MAP3K19: variants seen among roughly 807,000 people sequenced by gnomAD.
MAP3K19 encodes the protein SPS1/STE20-related protein kinase YSK4.
Under a neutral mutation model 114.4 loss-of-function variants are expected in MAP3K19, and 91 were observed. That is an observed-to-expected ratio of 0.80 (90% CI 0.67 to 0.95). The LOEUF (loss-of-function observed/expected upper bound fraction) is 0.95. Among genes scored for constraint, MAP3K19 ranks in the 40% least tolerant of loss-of-function variants. The pLI, the probability that MAP3K19 is intolerant of heterozygous loss-of-function variation, is 0.00. For synonymous variants in MAP3K19, 518 were observed against 530.5 expected (o/e 0.98, Z 0.32); for missense variants, 1,471 against 1,573.2 (o/e 0.94, Z 1.10).
At chr2:135,044,346 T>C (rs1456349072) in intron 1 of MAP3K19, among the ~76,000 whole-genome samples, 1 of 152,132 alleles carries the variant, frequency 6.6e-6, no homozygotes, top group Admixed American at 6.5e-5. Flanking sequence ...ATCCCAGCAC[T>C]TTGGGAGGCC....
chr2:135,007,574 T>TCTAG (rs1271594068), intron 5 of MAP3K19, among the ~76,000 whole-genome samples: 1 of 152,148 alleles, frequency 6.6e-6, no homozygotes, highest in African/African-American at 2.4e-5. Flanking sequence ...ATTCATTCTT[T>TCTAG]CTAGCTATTT....
intron 5 of MAP3K19, among the ~76,000 whole-genome samples, chr2:135,008,537 AC>A (rs1686996763): frequency 6.6e-6 from 1 of 152,078 alleles, no homozygotes; most frequent in Non-Finnish European, 1.5e-5. Flanking sequence ...TGCAACTAAT[AC>A]CCCAATTTTG....
intron 1 of MAP3K19, among the ~76,000 whole-genome samples, chr2:135,044,554 C>T (rs1574062321): frequency 1.3e-5 from 2 of 152,200 alleles, no homozygotes; most frequent in East Asian, 3.8e-4. Flanking sequence ...TGCACCATTG[C>T]ACTCCAGCCT....
At chr2:134,992,601 C>A (rs919824489) in intron 8 of MAP3K19, among the ~76,000 whole-genome samples, 1 of 152,162 alleles carries the variant, frequency 6.6e-6, no homozygotes, top group Non-Finnish European at 1.5e-5. Flanking sequence ...TTACCCAGCT[C>A]GCAGTGATGT....
At chr2:135,042,389 C>T (rs2104800659) in intron 1 of MAP3K19, among the ~76,000 whole-genome samples, 1 of 151,746 alleles carries the variant, frequency 6.6e-6, no homozygotes, top group South Asian at 2.1e-4. Context: ...GTAGTCCCAG[C>T]TACTCTGGAG....
chr2:134,968,510 G>C lies in MAP3K19; in HGVS notation c.3921-3594C>G, dbSNP rs62168902. 4.0e-5 allele frequency among the ~76,000 whole-genome samples: 6 copies of C among 148,842 alleles called. No individual in the cohort carries two copies. In the East Asian group the frequency reaches 8.0e-4, roughly 20 times the overall value. ...GGGGCTGACCCCCCACCTCCCTCCC[G>C]GACGGGGTGGCTGCCGGGCGGAGAC... On this transcript the variant is annotated intron_variant, in intron 12 of 12. Transcript: ENST00000392915.
intron 5 of MAP3K19, among the ~76,000 whole-genome samples, chr2:135,017,811 T>G (rs1574030551): frequency 6.6e-6 from 1 of 152,342 alleles, no homozygotes; most frequent in African/African-American, 2.4e-5. Flanking sequence ...TCTGACATTT[T>G]ATATTGTGAC....
At chr2:134,968,492 A>G (rs1463995829) in intron 12 of MAP3K19, among the ~76,000 whole-genome samples, 3 of 123,448 alleles carry the variant, frequency 2.4e-5, no homozygotes, top group African/African-American at 1.0e-4. Flanking sequence ...CGGGGGGCTG[A>G]CCCCCCACCT....
chr2:135,008,849 G>A lies in MAP3K19; in HGVS notation c.139-3318C>T, dbSNP rs542093810. Among the ~76,000 whole-genome samples the A allele has an allele frequency of 3.9e-5, 6 of 152,152 alleles. No individual in the cohort carries two copies. In the East Asian group the frequency reaches 9.7e-4, roughly 25 times the overall value. ...GCTGGAATGCAGTGGCACTATCATG[G>A]CTCACTGCAGCCTTGAACTCCTGGG... On this transcript the variant is annotated intron_variant, in intron 5 of 12. Coordinates refer to ENST00000392915, the MANE Select transcript of MAP3K19 (RefSeq NM_025052.5).
chr2:135,016,446 C>T (rs1429824562), intron 5 of MAP3K19, among the ~76,000 whole-genome samples: 2 of 152,140 alleles, frequency 1.3e-5, no homozygotes. Flanking sequence ...TAGTGTAAAT[C>T]TTCCTACTTT....
At chr2:135,036,089 C>G (rs1413183563) in intron 2 of MAP3K19, among the ~76,000 whole-genome samples, 1 of 152,166 alleles carries the variant, frequency 6.6e-6, no homozygotes, top group Non-Finnish European at 1.5e-5. Context: ...CCGCCTCAGC[C>G]TCCCAAAGTG....
intron 2 of MAP3K19, among the ~76,000 whole-genome samples, chr2:135,038,657 G>A (rs991655390): frequency 2.6e-5 from 4 of 151,940 alleles, no homozygotes; most frequent in African/African-American, 9.7e-5. Flanking sequence ...AGGAGCTTGG[G>A]ACCAGCCTGG....
intron 8 of MAP3K19, among the ~76,000 whole-genome samples, chr2:134,996,964 G>A (rs866300631): frequency 4.6e-5 from 7 of 151,920 alleles, no homozygotes; most frequent in South Asian, 2.1e-4. Context: ...TGGGAGGATC[G>A]CTTGAGCCCA....
chr2:135,008,678 T>G (rs983064719), intron 5 of MAP3K19, among the ~76,000 whole-genome samples: 2 of 152,224 alleles, frequency 1.3e-5, no homozygotes, highest in Admixed American at 6.5e-5. Context: ...CAGCAGTGCA[T>G]GAATGTGCTA....
chr2:135,034,696 G>A (rs1275874801), intron 2 of MAP3K19, among the ~76,000 whole-genome samples: 2 of 143,392 alleles, frequency 1.4e-5, no homozygotes, highest in Non-Finnish European at 3.0e-5. Context: ...GCACTCGGCA[G>A]GCTGAGGCAG....
rs543647216 is a variant in MAP3K19 at position 134,972,943 on chromosome 2, A to G, written c.3920+7878T>C. Among the ~76,000 whole-genome samples the G allele has an allele frequency of 3.9e-5, 6 of 152,294 alleles. No homozygotes were observed. The South Asian group carries it at 1.2e-3, about 32-fold the overall frequency. On this transcript the variant is annotated intron_variant, in intron 12 of 12. Coordinates refer to ENST00000392915, the MANE Select transcript of MAP3K19 (RefSeq NM_025052.5). ...GTTTCCATGTATTTATACAGTTTCC[A>G]AAGTTCCTCTTGTTATTGATTTCTA...
chr2:134,986,883 A>G lies in MAP3K19; in HGVS notation c.1989T>C (p.Tyr663=). Residue 663 remains tyrosine, a synonymous_variant, in exon 10 of 13, where the codon TAT becomes TAC. Transcript: ENST00000392915. The part of the protein sequence containing the change: ...INSTANGPGI[Y]EMFGTPVYCH... ...AATAAACAGGGGTCCCAAACATTTC[A>G]TAGATTCCAGGTCCATTAGCAGTTG... The G allele has an allele frequency of 1.9e-6, 3 of 1,614,202 alleles. No individual in the cohort carries two copies. Among genetic ancestry groups the G allele is most frequent in the Non-Finnish European group, 2.5e-6 (3 of 1,180,036 alleles).
In MAP3K19 at chr2:135,033,799, G is replaced by A. The variant is rs1296632340; in HGVS notation, c.-283-3299C>T. On this transcript the variant is annotated intron_variant, in intron 2 of 12. Coordinates refer to ENST00000392915, the MANE Select transcript of MAP3K19 (RefSeq NM_025052.5). ...CGGGCAGAGGCGCCCCTCACCTCCC[G>A]GACGGGGTGGCTGGCCGGGCGGGGG... Among the ~76,000 whole-genome samples the A allele has an allele frequency of 5.4e-4, 14 of 26,152 alleles. 1 individual carries two copies. The highest frequency in any genetic ancestry group is 3.7e-3 in the South Asian group (1 of 270). The allele number at this position is 26,152 out of a possible 152,430, so 17.2% of individuals were successfully genotyped here.
intron 5 of MAP3K19, among the ~76,000 whole-genome samples, chr2:135,020,688 C>T (rs574990042): frequency 3.1e-4 from 47 of 152,188 alleles, no homozygotes; most frequent in Non-Finnish European, 6.6e-4. Context: ...GTGATTGGAT[C>T]ATGGGGGCGG....
Sources: allele counts gnomAD v4.1 joint callset (sites outside exome capture counted in the v4.1 genomes callset), GRCh38; gene constraint gnomAD v4.1.1; transcripts MANE v1.5; gene names NCBI Gene and HGNC (gene_info 2026-07-23, HGNC 2026-07-21).